KAZN: variants seen among roughly 807,000 people sequenced by gnomAD.
KAZN encodes kazrin.
KAZN carries 40 observed loss-of-function variants against 87.4 expected under a neutral mutation model. That is an observed-to-expected ratio of 0.46 (90% CI 0.36 to 0.60). The LOEUF is 0.60. Ranked by LOEUF, KAZN falls within the 20% of genes least tolerant of loss-of-function variation. The pLI is 0.00. For missense variants in KAZN, 898 were observed against 1,073.9 expected (o/e 0.84, Z 2.29); for synonymous variants, 466 against 458.3 (o/e 1.02, Z -0.22).
At chr1:14,356,183 T>G (rs1018608026) in intron 2 of KAZN, among the ~76,000 whole-genome samples, 6 of 152,254 alleles carry the variant, frequency 3.9e-5, no homozygotes, top group Admixed American at 6.5e-5. Context: ...TGACCAGTGA[T>G]GACGAGCTTT....
chr1:14,344,636 C>A (rs894034102), intron 2 of KAZN, among the ~76,000 whole-genome samples: 1 of 151,846 alleles, frequency 6.6e-6, no homozygotes, highest in African/African-American at 2.4e-5. Flanking sequence ...TATGGAAGAA[C>A]AATAAAGCAG....
At chr1:14,046,502 C>G (rs1242481876) in intron 1 of KAZN, among the ~76,000 whole-genome samples, 1 of 152,156 alleles carries the variant, frequency 6.6e-6, no homozygotes, top group Non-Finnish European at 1.5e-5. Flanking sequence ...AAATACACTC[C>G]AACATCCCAT....
intron 1 of KAZN, among the ~76,000 whole-genome samples, chr1:14,636,162 C>A (rs1042240375): frequency 2.0e-5 from 3 of 152,164 alleles, no homozygotes; most frequent in Non-Finnish European, 4.4e-5. Context: ...TTGGTTCCAA[C>A]CCTTAATGCT....
chr1:14,526,487 T>G (rs1291156626), intron 2 of KAZN, among the ~76,000 whole-genome samples: 1 of 152,218 alleles, frequency 6.6e-6, no homozygotes, highest in Non-Finnish European at 1.5e-5. Context: ...GCATCATCAG[T>G]AATATTTTAG....
chr1:14,181,656 T>C (rs1219164606), intron 2 of KAZN, among the ~76,000 whole-genome samples: 2 of 152,020 alleles, frequency 1.3e-5, no homozygotes, highest in Non-Finnish European at 2.9e-5. Context: ...GTTCTCCTGC[T>C]CTCCTTCATT....
At chr1:15,036,990 C>T (rs1277114363) in intron 3 of KAZN, among the ~76,000 whole-genome samples, 1 of 152,188 alleles carries the variant, frequency 6.6e-6, no homozygotes, top group Non-Finnish European at 1.5e-5. Context: ...GGGCCTGGGT[C>T]CAGAGCCTAC....
intron 2 of KAZN, among the ~76,000 whole-genome samples, chr1:14,247,986 G>A (rs1169378510): frequency 6.6e-6 from 1 of 152,122 alleles, no homozygotes; most frequent in Non-Finnish European, 1.5e-5. Flanking sequence ...GAACTCTAAC[G>A]CAATCGGTGC....
chr1:14,158,413 A>G (rs925882462), intron 1 of KAZN, among the ~76,000 whole-genome samples: 8 of 152,092 alleles, frequency 5.3e-5, no homozygotes, highest in Non-Finnish European at 1.0e-4. Flanking sequence ...ATTTTTCAGT[A>G]TGCCAATTGC....
intron 2 of KAZN, among the ~76,000 whole-genome samples, chr1:14,512,584 T>A (rs1279061370): frequency 7.2e-6 from 1 of 139,278 alleles, no homozygotes; most frequent in African/African-American, 2.9e-5. Context: ...ACCAACTAGC[T>A]CCAATTCCCT....
In KAZN at chr1:14,269,951, A is replaced by C. The variant is rs184422967; in HGVS notation, c.249+89359A>C. Among the ~76,000 whole-genome samples, 618 of 152,306 alleles carry C rather than the reference A, an allele frequency of 4.1e-3. 5 individuals carry two copies. The highest frequency in any genetic ancestry group is 0.014 in the African/African-American group (564 of 41,566). Reference sequence around the variant, plus strand: ...ATACCTGAGACCAGGTAGTTCCTAAAGAAAAATGATTTACTTAGTTCACAG... The same window carrying C: ...ATACCTGAGACCAGGTAGTTCCTAACGAAAAATGATTTACTTAGTTCACAG... On this transcript the variant is annotated intron_variant, in intron 2 of 16. Coordinates refer to the KAZN transcript ENST00000636203.
At chr1:14,250,343 T>A (rs988090999) in intron 2 of KAZN, among the ~76,000 whole-genome samples, 1 of 152,000 alleles carries the variant, frequency 6.6e-6, no homozygotes, top group African/African-American at 2.4e-5. Flanking sequence ...TGCTTCAGAA[T>A]CTTAATGTTG....
intron 1 of KAZN, among the ~76,000 whole-genome samples, chr1:14,782,829 C>T (rs537739072): frequency 2.3e-4 from 35 of 152,182 alleles, no homozygotes; most frequent in Non-Finnish European, 3.8e-4. Context: ...GAGGCATCCC[C>T]CCAACCTCGC....
chr1:14,467,912 G>T (rs1310733387), intron 2 of KAZN, among the ~76,000 whole-genome samples: 1 of 152,054 alleles, frequency 6.6e-6, no homozygotes, highest in East Asian at 1.9e-4. Context: ...AGTTTCATTG[G>T]CCTGCTTGGG....
intron 1 of KAZN, among the ~76,000 whole-genome samples, chr1:14,761,184 T>TC (rs1490227333): frequency 2.0e-5 from 3 of 152,136 alleles, no homozygotes; most frequent in African/African-American, 7.2e-5. Flanking sequence ...GCAGGCTAGG[T>TC]CTGTGCCTAC....
chr1:15,109,901 GTGTT>G lies in KAZN; in HGVS notation c.2049-2522_2049-2519del, dbSNP rs763251202. Among the ~76,000 whole-genome samples, 33 of 151,698 alleles carry G rather than the reference GTGTT, an allele frequency of 2.2e-4. No homozygotes were observed. In the East Asian group the frequency reaches 4.3e-3, roughly 20 times the overall value. ...TGCATGTGTGTGCTTGTGTGTATAT[GTGTT>G]TGTGTATGTTTGTGTATGGGTGTGT... On this transcript the variant is annotated intron_variant, in intron 13 of 14. Coordinates refer to ENST00000376030, the MANE Select transcript of KAZN (RefSeq NM_201628.3).
intron 1 of KAZN, among the ~76,000 whole-genome samples, chr1:13,997,236 T>C (rs932278083): frequency 1.3e-5 from 2 of 151,598 alleles, no homozygotes; most frequent in Non-Finnish European, 2.9e-5. Flanking sequence ...GCCTCAAAGA[T>C]CAAAACTAGA....
intron 1 of KAZN, among the ~76,000 whole-genome samples, chr1:13,916,012 G>A (rs1639838261): frequency 6.6e-6 from 1 of 152,200 alleles, no homozygotes; most frequent in Non-Finnish European, 1.5e-5. Context: ...CAGGGGTTGG[G>A]GGCCGGGGAG....
chr1:14,858,229 T>TTTTTTTTTTTTTTTTG (rs1352802605), intron 1 of KAZN, among the ~76,000 whole-genome samples: 1 of 146,536 alleles, frequency 6.8e-6, no homozygotes, highest in African/African-American at 2.6e-5. Flanking sequence ...TTTTTTTTTT[T>TTTTTTTTTTTTTTTTG]TGAGACAAAG....
At chr1:14,094,042 G>C (rs775387948) in intron 1 of KAZN, among the ~76,000 whole-genome samples, 1 of 152,154 alleles carries the variant, frequency 6.6e-6, no homozygotes, top group Non-Finnish European at 1.5e-5. Flanking sequence ...GGTGAGGCTG[G>C]AGTCACATTT....
Sources: gnomAD v4.1 joint callset for allele counts (sites outside exome capture counted in the v4.1 genomes callset) on GRCh38, gnomAD v4.1.1 for gene constraint, MANE v1.5 for transcripts, NCBI Gene and HGNC (gene_info 2026-07-23, HGNC 2026-07-21) for gene names.